Variants in ENPP6 observed in about 807,000 individuals in gnomAD.
ENPP6 encodes glycerophosphocholine cholinephosphodiesterase ENPP6.
In ENPP6, 32 loss-of-function variants were observed where a neutral mutation model predicts 42.0. The observed-to-expected ratio is 0.76, with a 90% CI of 0.58 to 1.02. ENPP6 has a LOEUF of 1.02. Ranked by LOEUF, ENPP6 falls within the 50% of genes least tolerant of loss-of-function variation. ENPP6 has a pLI of 0.00. For synonymous variants in ENPP6, 213 were observed against 216.0 expected (o/e 0.99, Z 0.12); for missense variants, 552 against 566.8 (o/e 0.97, Z 0.27).
intron 1 of ENPP6, among the ~76,000 whole-genome samples, chr4:184,159,022 T>C (rs1009652459): frequency 2.6e-5 from 4 of 152,198 alleles, no homozygotes; most frequent in Non-Finnish European, 4.4e-5. Flanking sequence ...TCCATGCATA[T>C]TACTTGCTCT....
intron 1 of ENPP6, among the ~76,000 whole-genome samples, chr4:184,168,300 A>G (rs1737392387): frequency 1.3e-5 from 2 of 152,130 alleles, no homozygotes; most frequent in South Asian, 2.1e-4. Flanking sequence ...GAAAAGGCCA[A>G]TCCTATCAAA....
chr4:184,131,063 C>A (rs111624128), intron 2 of ENPP6, among the ~76,000 whole-genome samples: 2,211 of 152,210 alleles, frequency 0.015, 55 homozygotes, highest in African/African-American at 0.05. Context: ...ATTTGGGGAA[C>A]GTATACAGTC....
intron 1 of ENPP6, among the ~76,000 whole-genome samples, chr4:184,214,022 T>C (rs1166038186): frequency 8.7e-4 from 115 of 132,722 alleles, no homozygotes; most frequent in African/African-American, 3.2e-3. Flanking sequence ...TTCTCACTCA[T>C]AGGTGGGAAT....
intron 1 of ENPP6, among the ~76,000 whole-genome samples, chr4:184,197,067 T>G (rs1732812145): frequency 6.6e-6 from 1 of 152,298 alleles, no homozygotes; most frequent in Non-Finnish European, 1.5e-5. Context: ...AGGCTGAGAG[T>G]GAATTCCTTG....
At chr4:184,211,758 T>C (rs939080870) in intron 1 of ENPP6, among the ~76,000 whole-genome samples, 19 of 151,408 alleles carry the variant, frequency 1.3e-4, no homozygotes, top group Non-Finnish European at 1.9e-4. Context: ...ATCATTCTGA[T>C]ACCAAAGCCA....
chr4:184,172,398 C>T (rs1737484621), intron 1 of ENPP6, among the ~76,000 whole-genome samples: 1 of 152,174 alleles, frequency 6.6e-6, no homozygotes, highest in Non-Finnish European at 1.5e-5. Context: ...AGCTAGCAGT[C>T]AAGCCTCCAT....
chr4:184,133,581 A>G (rs1224042894), intron 2 of ENPP6, among the ~76,000 whole-genome samples: 1 of 152,040 alleles, frequency 6.6e-6, no homozygotes, highest in African/African-American at 2.4e-5. Context: ...TATCCCTGTC[A>G]TCTTCCCCTG....
At chr4:184,134,671 T>C (rs990503294) in intron 2 of ENPP6, among the ~76,000 whole-genome samples, 9 of 114,974 alleles carry the variant, frequency 7.8e-5, no homozygotes, top group Non-Finnish European at 1.3e-4. Flanking sequence ...AGTTTTTTTT[T>C]CCTGAAAACA....
At chr4:184,106,331 G>A (rs1165023815) in intron 6 of ENPP6, among the ~76,000 whole-genome samples, 3 of 151,928 alleles carry the variant, frequency 2.0e-5, no homozygotes, top group Non-Finnish European at 4.4e-5. Flanking sequence ...CACCATGTCC[G>A]GCCACAAAAA....
chr4:184,197,264 C>T (rs968572904), intron 1 of ENPP6, among the ~76,000 whole-genome samples: 3 of 152,212 alleles, frequency 2.0e-5, no homozygotes, highest in Non-Finnish European at 4.4e-5. Flanking sequence ...ATGAAATCTA[C>T]ACATGCACCA....
chr4:184,210,239 T>G (rs933161715), intron 1 of ENPP6, among the ~76,000 whole-genome samples: 2 of 147,572 alleles, frequency 1.4e-5, no homozygotes, highest in African/African-American at 5.1e-5. Context: ...CATAACAATA[T>G]TAACTTTAAA....
chr4:184,095,266 C>T (rs914082230), intron 7 of ENPP6, among the ~76,000 whole-genome samples: 1 of 152,176 alleles, frequency 6.6e-6, no homozygotes, highest in Non-Finnish European at 1.5e-5. Flanking sequence ...TGTTAATGGA[C>T]AGAATCTCTT....
intron 5 of ENPP6, among the ~76,000 whole-genome samples, chr4:184,113,163 G>A (rs1287234098): frequency 6.6e-6 from 1 of 152,140 alleles, no homozygotes; most frequent in African/African-American, 2.4e-5. Context: ...TCATGGTGTG[G>A]TTCTGCAATG....
chr4:184,124,094 T>G, intron 3 of ENPP6, 67 bp downstream of exon 3: 2 of 1,289,190 alleles, frequency 1.6e-6, no homozygotes, highest in South Asian at 2.5e-5. Flanking sequence ...CTTAATTCAC[T>G]TTAGGATCCA....
chr4:184,108,260 C>A (rs777597472), intron 6 of ENPP6, among the ~76,000 whole-genome samples: 1 of 152,206 alleles, frequency 6.6e-6, no homozygotes, highest in African/African-American at 2.4e-5. Flanking sequence ...CGAACTCAGA[C>A]CCAGAGAGGC....
rs73007866 is a variant in ENPP6, at chr4:184,168,806, C to A, written c.242-15073G>T. Among the ~76,000 whole-genome samples, 1,411 of 152,254 alleles carry A rather than the reference C, an allele frequency of 9.3e-3. 23 individuals carry two copies. The highest frequency in any genetic ancestry group is 0.033 in the African/African-American group (1,355 of 41,546). ...AGCCCGGGCAGGGCCGGCGGGCAGGCGGCCACGCGCTGCAGCAAACGCGAG... is the reference window on the plus strand; with the variant it reads ...AGCCCGGGCAGGGCCGGCGGGCAGGAGGCCACGCGCTGCAGCAAACGCGAG... On this transcript the variant is annotated intron_variant, in intron 1 of 7. Transcript: ENST00000296741.
intron 2 of ENPP6, among the ~76,000 whole-genome samples, chr4:184,131,503 A>T (rs7694100): frequency 6.7e-6 from 1 of 148,192 alleles, no homozygotes; most frequent in Non-Finnish European, 1.5e-5. Flanking sequence ...ACAGGCACCC[A>T]TCACCATGCC....
chr4:184,150,182 C>A (rs1737002364), intron 2 of ENPP6, among the ~76,000 whole-genome samples: 1 of 152,134 alleles, frequency 6.6e-6, no homozygotes, highest in South Asian at 2.1e-4. Context: ...GGGTGGCGTG[C>A]TAAAGGGCCT....
intron 3 of ENPP6, among the ~76,000 whole-genome samples, chr4:184,120,860 A>G (rs972359730): frequency 6.6e-6 from 1 of 152,132 alleles, no homozygotes; most frequent in Admixed American, 6.5e-5. Context: ...AGGGTGTCTT[A>G]GAGGTGTGAG....
Sources: allele counts gnomAD v4.1 joint callset (sites outside exome capture counted in the v4.1 genomes callset), GRCh38; gene constraint gnomAD v4.1.1; transcripts MANE v1.5; gene names NCBI Gene and HGNC (gene_info 2026-07-23, HGNC 2026-07-21).